NRXN1: variants seen among roughly 807,000 people sequenced by gnomAD.
NRXN1 encodes the protein neurexin-1.
NRXN1 carries 39 observed loss-of-function variants against 150.9 expected under a neutral mutation model. The ratio of observed to expected loss-of-function variants is 0.26; its 90% CI spans 0.20 to 0.34. The LOEUF (loss-of-function observed/expected upper bound fraction) is 0.34. Ranked by LOEUF, NRXN1 falls within the 10% of genes least tolerant of loss-of-function variation. The pLI is 1.00. For missense variants in NRXN1, 1,815 were observed against 1,949.9 expected (o/e 0.93, Z 1.30); for synonymous variants, 924 against 757.0 (o/e 1.22, Z -3.62).
intron 2 of NRXN1, among the ~76,000 whole-genome samples, chr2:50,960,227 G>C (rs1186465190): frequency 6.6e-6 from 1 of 151,774 alleles, no homozygotes; most frequent in African/African-American, 2.4e-5. Flanking sequence ...CCTCCATAAG[G>C]CATTAATTTT....
intron 5 of NRXN1, among the ~76,000 whole-genome samples, chr2:50,791,421 T>C (rs1399497606): frequency 1.3e-5 from 2 of 152,046 alleles, no homozygotes; most frequent in Non-Finnish European, 2.9e-5. Context: ...AATGGTTAGG[T>C]TTCTCAACTC....
chr2:51,019,172 G>A (rs1407958049), intron 2 of NRXN1, among the ~76,000 whole-genome samples: 1 of 151,980 alleles, frequency 6.6e-6, no homozygotes, highest in Non-Finnish European at 1.5e-5. Flanking sequence ...CAATGGACAG[G>A]GCTGCCTGCT....
chr2:50,329,307 T>G (rs2076588531), intron 17 of NRXN1, among the ~76,000 whole-genome samples: 1 of 151,900 alleles, frequency 6.6e-6, no homozygotes, highest in South Asian at 2.1e-4. Flanking sequence ...GTGAAGATGT[T>G]CAAACGCAGT....
Position 50,045,697 on chromosome 2 carries a change from CTT to C in NRXN1, c.4128+7572_4128+7573del, listed in dbSNP as rs530498642. On this transcript the variant is annotated intron_variant, in intron 21 of 22. Transcript: ENST00000401669. ...ATTAAACTAGGTTATATTCTTGCTA[CTT>C]AGACAAGAACTAATTATTTAATAAA... Among the ~76,000 whole-genome samples the C allele has an allele frequency of 2.0e-5, 3 of 152,130 alleles. No individual in the cohort carries two copies. In the South Asian group the frequency reaches 6.2e-4, roughly 31 times the overall value.
chr2:50,456,314 C>T lies in NRXN1; in HGVS notation c.3364+9128G>A, dbSNP rs796290106. On this transcript the variant is annotated intron_variant, in intron 17 of 22. Coordinates refer to ENST00000401669, the MANE Select transcript of NRXN1 (RefSeq NM_001330078.2). ...GAGATTAAGCCTCACACTCTATAGGCCTTTTTCTGAGAGATGTGAATTTAG... is the reference window on the plus strand; with the variant it reads ...GAGATTAAGCCTCACACTCTATAGGTCTTTTTCTGAGAGATGTGAATTTAG... 6.6e-5 allele frequency among the ~76,000 whole-genome samples: 10 copies of T among 152,204 alleles called. 1 individual carries two copies. The highest frequency in any genetic ancestry group is 2.4e-4 in the African/African-American group (10 of 41,546).
At chr2:50,115,367 GA>G (rs1157789715) in intron 18 of NRXN1, among the ~76,000 whole-genome samples, 2 of 151,648 alleles carry the variant, frequency 1.3e-5, no homozygotes, top group Non-Finnish European at 2.9e-5. Context: ...GAGTTTACCC[GA>G]GATTACGTAA....
intron 17 of NRXN1, among the ~76,000 whole-genome samples, chr2:50,345,718 C>T (rs956442679): frequency 2.0e-5 from 3 of 152,198 alleles, no homozygotes; most frequent in Non-Finnish European, 2.9e-5. Flanking sequence ...CCAACCAAGG[C>T]TTTTCTCTAC....
At chr2:50,343,000 T>C (rs949041772) in intron 17 of NRXN1, among the ~76,000 whole-genome samples, 2 of 152,224 alleles carry the variant, frequency 1.3e-5, no homozygotes, top group African/African-American at 2.4e-5. Flanking sequence ...AGAAACATTA[T>C]AAATTCAAGA....
chr2:50,862,328 G>A (rs1340751156), intron 5 of NRXN1, among the ~76,000 whole-genome samples: 18 of 151,970 alleles, frequency 1.2e-4, no homozygotes, highest in Admixed American at 6.6e-5. Context: ...TTGGAGGTAC[G>A]ATACTTTAGA....
rs533596878 is a variant in NRXN1 at position 50,635,992 on chromosome 2, A to G, written c.833-12377T>C. Among the ~76,000 whole-genome samples the G allele has an allele frequency of 2.6e-5, 4 of 152,324 alleles. No homozygotes were observed. In the South Asian group the frequency reaches 8.3e-4, roughly 32 times the overall value. On this transcript the variant is annotated intron_variant, in intron 5 of 22. Coordinates refer to ENST00000401669, the MANE Select transcript of NRXN1 (RefSeq NM_001330078.2). ...GTTAGATATTATGATCATTATTATT[A>G]AAGTAACCACTACATTTAAAATCAC...
intron 17 of NRXN1, among the ~76,000 whole-genome samples, chr2:50,336,298 T>C (rs979121169): frequency 1.3e-5 from 2 of 152,236 alleles, no homozygotes; most frequent in African/African-American, 4.8e-5. Context: ...CCTTTCTGAA[T>C]GTTGCTCCAA....
At chr2:50,780,341 C>G (rs1343460572) in intron 5 of NRXN1, among the ~76,000 whole-genome samples, 3 of 152,092 alleles carry the variant, frequency 2.0e-5, no homozygotes, top group East Asian at 1.9e-4. Flanking sequence ...GTTTGAATAA[C>G]TTTTCATGAC....
chr2:50,973,146 A>G (rs1372657566), intron 2 of NRXN1, among the ~76,000 whole-genome samples: 1 of 152,206 alleles, frequency 6.6e-6, no homozygotes, highest in Non-Finnish European at 1.5e-5. Context: ...GTATTATACC[A>G]GGAGCAATGA....
At chr2:49,962,439 T>C (rs1676134126) in intron 21 of NRXN1, among the ~76,000 whole-genome samples, 1 of 152,350 alleles carries the variant, frequency 6.6e-6, no homozygotes, top group Non-Finnish European at 1.5e-5. Context: ...GCTGAATAAC[T>C]GCCTACTTTA....
intron 13 of NRXN1, among the ~76,000 whole-genome samples, chr2:50,503,443 G>A (rs550645182): frequency 1.7e-4 from 26 of 151,014 alleles, no homozygotes; most frequent in East Asian, 3.9e-4. Flanking sequence ...AAACATTTGC[G>A]CACCAAAATC....
chr2:50,786,235 A>G (rs1705093728), intron 5 of NRXN1, among the ~76,000 whole-genome samples: 3 of 152,160 alleles, frequency 2.0e-5, no homozygotes, highest in Non-Finnish European at 4.4e-5. Flanking sequence ...AATGAGGGCC[A>G]TCTATGTACG....
chr2:50,369,036 C>T (rs938499665), intron 17 of NRXN1, among the ~76,000 whole-genome samples: 1 of 151,910 alleles, frequency 6.6e-6, no homozygotes, highest in Admixed American at 6.6e-5. Flanking sequence ...AGCAAAACAT[C>T]GACATTGTGA....
chr2:50,323,504 C>T (rs2076182134), intron 17 of NRXN1, among the ~76,000 whole-genome samples: 1 of 151,910 alleles, frequency 6.6e-6, no homozygotes, highest in East Asian at 1.9e-4. Flanking sequence ...GCAGAGGCCC[C>T]TGCAATGTTT....
intron 21 of NRXN1, among the ~76,000 whole-genome samples, chr2:49,988,619 TAAAAAA>T (rs3046623): frequency 0.014 from 1,790 of 127,966 alleles, 19 homozygotes; most frequent in Non-Finnish European, 0.019. Context: ...AGTTAACTAT[TAAAAAA>T]AAAAAAAAAA....
Sources: allele counts gnomAD v4.1 joint callset (sites outside exome capture counted in the v4.1 genomes callset), GRCh38; gene constraint gnomAD v4.1.1; transcripts MANE v1.5; gene names NCBI Gene and HGNC (gene_info 2026-07-23, HGNC 2026-07-21).